HMGCLL1: variants seen among roughly 807,000 people sequenced by gnomAD.
HMGCLL1 encodes 3-hydroxy-3-methylglutaryl-CoA lyase like 1, also known as 3-hydroxymethyl-3-methylglutaryl-CoA lyase, cytoplasmic.
A neutral mutation model predicts 39.1 loss-of-function variants in HMGCLL1; 36 were observed. The ratio of observed to expected loss-of-function variants is 0.92; its 90% confidence interval spans 0.71 to 1.22. The LOEUF is 1.22. HMGCLL1 is among the 50% of genes most tolerant of loss of function. The probability of loss-of-function intolerance (pLI) is 0.00; values close to 1 mark genes in which losing one functional copy is unlikely to be tolerated. For missense variants in HMGCLL1, 451 were observed against 416.5 expected (o/e 1.08, Z -0.72); for synonymous variants, 149 against 144.0 (o/e 1.03, Z -0.25).
At chr6:55,547,027 T>C (rs1211549398) in intron 1 of HMGCLL1, among the ~76,000 whole-genome samples, 1 of 152,038 alleles carries the variant, frequency 6.6e-6, no homozygotes. Context: ...CTTTTCTATC[T>C]GCGTTTCATC....
At chr6:55,458,924 A>T (rs932051389) in intron 7 of HMGCLL1, among the ~76,000 whole-genome samples, 2 of 152,152 alleles carry the variant, frequency 1.3e-5, no homozygotes, top group Admixed American at 6.6e-5. Flanking sequence ...AATTTGGGTA[A>T]TTTGGGTCAC....
chr6:55,526,351 A>G (rs1407987359), intron 3 of HMGCLL1, among the ~76,000 whole-genome samples: 2 of 151,962 alleles, frequency 1.3e-5, no homozygotes, highest in Non-Finnish European at 2.9e-5. Flanking sequence ...TTCCTCTTAC[A>G]TGACATTCTC....
the HMGCLL1 span, among the ~76,000 whole-genome samples, chr6:55,626,674 C>T: frequency 0.11 from 16,998 of 151,932 alleles, 1,142 homozygotes; most frequent in East Asian, 0.17. Flanking sequence ...CCTGTTCCTG[C>T]GACATTATGT....
intron 1 of HMGCLL1, among the ~76,000 whole-genome samples, chr6:55,553,313 C>T (rs1333348679): frequency 2.0e-5 from 3 of 149,082 alleles, no homozygotes; most frequent in South Asian, 2.1e-4. Context: ...TGGTGCATGC[C>T]TGTAATCCCA....
chr6:55,582,592 A>G (rs1199591317), upstream of HMGCLL1, among the ~76,000 whole-genome samples: 1 of 152,144 alleles, frequency 6.6e-6, no homozygotes, highest in East Asian at 1.9e-4. Flanking sequence ...AACTTCAGCA[A>G]TATCAAATTA....
chr6:55,513,993 G>A (rs753138656), intron 5 of HMGCLL1, 55 bp downstream of exon 5: 8 of 1,480,286 alleles, frequency 5.4e-6, no homozygotes, highest in South Asian at 1.2e-5. Flanking sequence ...TAATTTTTGA[G>A]TAAGCTTTAA....
At chr6:55,656,408 G>A in the HMGCLL1 span, among the ~76,000 whole-genome samples, 4 of 151,924 alleles carry the variant, frequency 2.6e-5, no homozygotes, top group African/African-American at 4.8e-5. Context: ...ACACAGCTAA[G>A]CCATATTCCT....
chr6:55,586,078 G>A, the HMGCLL1 span, among the ~76,000 whole-genome samples: 2 of 152,082 alleles, frequency 1.3e-5, no homozygotes. Context: ...ATACTGTGTG[G>A]AGGGTAATGC....
the HMGCLL1 span, among the ~76,000 whole-genome samples, chr6:55,641,287 T>C: frequency 6.6e-6 from 1 of 151,976 alleles, no homozygotes; most frequent in Admixed American, 6.6e-5. Flanking sequence ...TAATTTCTTA[T>C]ATATAATTAA....
At chr6:55,456,896 T>C (rs1411096437) in intron 7 of HMGCLL1, among the ~76,000 whole-genome samples, 2 of 152,124 alleles carry the variant, frequency 1.3e-5, no homozygotes, top group African/African-American at 2.4e-5. Flanking sequence ...GTGCAAATCG[T>C]AGGAAGCCAT....
chr6:55,606,967 C>A, the HMGCLL1 span, among the ~76,000 whole-genome samples: 1 of 151,916 alleles, frequency 6.6e-6, no homozygotes. Context: ...TGATTTTAAC[C>A]CATAGAGATG....
chr6:55,594,484 C>A, the HMGCLL1 span, among the ~76,000 whole-genome samples: 1 of 152,340 alleles, frequency 6.6e-6, no homozygotes, highest in African/African-American at 2.4e-5. Flanking sequence ...ACAATCTCTT[C>A]TTGAGTGTGT....
rs1769656436 is a variant in HMGCLL1 at position 55,543,279 on chromosome 6, TATATA to T, written c.109-1144_109-1140del. The stretch of plus-strand genomic sequence containing the variant: ...TATATAATATAATATATCTATATTA[TATATA>T]ATATATTATATATCATATATGATAT... On this transcript the variant is annotated intron_variant, in intron 1 of 8. Transcript: ENST00000274901. 1.1e-4 allele frequency among the ~76,000 whole-genome samples: 2 copies of T among 18,702 alleles called. 1 individual carries two copies. Among genetic ancestry groups the T allele is most frequent in the Admixed American group, 2.6e-3 (2 of 778 alleles). 12.3% of individuals were successfully genotyped at this position (18,702 alleles called of 152,430 possible).
At chr6:55,442,360 T>C (rs1581784640) in intron 7 of HMGCLL1, among the ~76,000 whole-genome samples, 1 of 152,280 alleles carries the variant, frequency 6.6e-6, no homozygotes, top group Non-Finnish European at 1.5e-5. Context: ...TAGCTAATTA[T>C]AGGTAATTAT....
chr6:55,457,958 C>A (rs1480162180), intron 7 of HMGCLL1, among the ~76,000 whole-genome samples: 6 of 152,096 alleles, frequency 3.9e-5, no homozygotes, highest in Non-Finnish European at 8.8e-5. Flanking sequence ...AAGGATGCTG[C>A]AATTTCTAGG....
rs544615935 is a variant in HMGCLL1 at position 55,566,684 on chromosome 6, T to C, written c.108+12264A>G. On this transcript the variant is annotated intron_variant, in intron 1 of 8. Coordinates refer to ENST00000274901, the MANE Select transcript of HMGCLL1 (RefSeq NM_001042406.2). ...TTGTGCACTGTGTGAATTAACTTAA[T>C]AGAAACACAGATATGGAAAAGAAAT... is the stretch of plus-strand genomic sequence containing the variant. 187 of 454,318 alleles carry C rather than the reference T, an allele frequency of 4.1e-4. 5 individuals are homozygous for C. The highest frequency in any genetic ancestry group is 2.9e-3 in the South Asian group (187 of 64,142). 28.1% of individuals were successfully genotyped at this position (454,318 alleles called of 1,614,324 possible). A position where few individuals can be genotyped will look rare whatever the true frequency, so the allele number is the denominator to read the frequency against.
At chr6:55,545,616 A>G (rs1769920334) in intron 1 of HMGCLL1, among the ~76,000 whole-genome samples, 1 of 152,150 alleles carries the variant, frequency 6.6e-6, no homozygotes, top group Admixed American at 6.6e-5. Flanking sequence ...AAATGGTCCA[A>G]TTATATATAA....
chr6:55,606,440 A>C, the HMGCLL1 span, among the ~76,000 whole-genome samples: 2,088 of 152,292 alleles, frequency 0.014, 58 homozygotes, highest in African/African-American at 0.046. Flanking sequence ...GGCAGAGATA[A>C]GATTTGAATG....
chr6:55,667,734 A>T, the HMGCLL1 span, among the ~76,000 whole-genome samples: 1 of 151,812 alleles, frequency 6.6e-6, no homozygotes, highest in African/African-American at 2.4e-5. Context: ...CTTATCTACC[A>T]ATGTTCAATG....
Sources: gnomAD v4.1 joint callset for allele counts (sites outside exome capture counted in the v4.1 genomes callset) on GRCh38, gnomAD v4.1.1 for gene constraint, MANE v1.5 for transcripts, NCBI Gene and HGNC (gene_info 2026-07-23, HGNC 2026-07-21) for gene names.